Variants in DNAI1 observed in about 807,000 individuals in gnomAD.
DNAI1 encodes the protein dynein, axonemal, intermediate polypeptide 1.
Under a neutral mutation model 92.0 loss-of-function variants are expected in DNAI1, and 67 were observed. The ratio of observed to expected loss-of-function variants is 0.73; its 90% confidence interval spans 0.60 to 0.89. DNAI1 has a LOEUF of 0.89. Ranked by LOEUF, DNAI1 falls within the 40% of genes least tolerant of loss-of-function variation. DNAI1 has a pLI of 0.00. For missense variants in DNAI1, 839 were observed against 866.6 expected, an observed-to-expected ratio of 0.97 and a Z score of 0.40; for synonymous variants, 323 against 319.6, an observed-to-expected ratio of 1.01 and a Z score of -0.11.
At chr9:34,515,909 T>A (rs931247966) in intron 18 of DNAI1, among the ~76,000 whole-genome samples, 5 of 152,144 alleles carry the variant, frequency 3.3e-5, no homozygotes, top group Admixed American at 3.3e-4. Context: ...TGAGTGAATT[T>A]TATAGTATAT....
chr9:34,490,039 C>T lies in DNAI1; in HGVS notation c.416C>T (p.Ser139Leu), dbSNP rs755504398. ...AGSQESVKVISETGNLEEDEE... is the reference protein window; with the variant it reads ...AGSQESVKVILETGNLEEDEE... ...TCTCAGGAGTCTGTCAAGGTGATTTCAGAAACAGGAAACCTCGAAGAAGAC... is the reference window on the plus strand; with the variant it reads ...TCTCAGGAGTCTGTCAAGGTGATTTTAGAAACAGGAAACCTCGAAGAAGAC... The change falls in exon 6 of 20, where the codon TCA becomes TTA. Residue 139 changes from serine to leucine, a missense_variant. By Grantham distance (145) the Ser-to-Leu change is moderately radical. Transcript: ENST00000242317. The T allele has an allele frequency of 1.2e-5, 19 of 1,613,994 alleles. No individual in the cohort carries two copies. Among genetic ancestry groups the T allele is most frequent in the Non-Finnish European group, 1.5e-5 (18 of 1,180,018 alleles).
chr9:34,490,296 G>T (rs1824561481), intron 6 of DNAI1, 73 bp from the exon 7 acceptor site: 1 of 1,612,474 alleles, frequency 6.2e-7, no homozygotes, highest in Non-Finnish European at 8.5e-7. Flanking sequence ...CCTAGGACAG[G>T]GCTTGCCCCA....
Position 34,506,889 on chromosome 9 carries a change from T to A in DNAI1, c.1311+15T>A, listed in dbSNP as rs1400225236. Reference sequence around the variant, plus strand: ...CTGTGTGGCAGGTCAGCAACCAGGCTGGGAGGGGTGGGGATGGGAGCAGCA... The same window carrying A: ...CTGTGTGGCAGGTCAGCAACCAGGCAGGGAGGGGTGGGGATGGGAGCAGCA... On this transcript the variant is annotated intron_variant, in intron 13 of 19. Transcript: ENST00000242317. The A allele has an allele frequency of 6.2e-7, 1 of 1,611,486 alleles. No individual in the cohort carries two copies. The highest frequency in any genetic ancestry group is 8.5e-7 in the Non-Finnish European group (1 of 1,178,948).
At chr9:34,506,941 G>C in intron 13 of DNAI1, 67 bp downstream of exon 13, 1 of 1,578,256 alleles carries the variant, frequency 6.3e-7, no homozygotes. Context: ...CTGGAGGAGG[G>C]AGGGAGCTTG....
intron 1 of DNAI1, among the ~76,000 whole-genome samples, chr9:34,470,454 AT>A (rs1391762931): frequency 6.6e-6 from 1 of 152,220 alleles, no homozygotes; most frequent in Non-Finnish European, 1.5e-5. Context: ...AGAAATCTGT[AT>A]GAGTATCATT....
At chr9:34,463,282 T>C (rs1201158913) in intron 1 of DNAI1, among the ~76,000 whole-genome samples, 1 of 152,180 alleles carries the variant, frequency 6.6e-6, no homozygotes, top group Non-Finnish European at 1.5e-5. Flanking sequence ...GTGGGGAATG[T>C]GGCAGGAGAT....
At chr9:34,471,447 C>CAA (rs72230032) in intron 1 of DNAI1, among the ~76,000 whole-genome samples, 33 of 83,998 alleles carry the variant, frequency 3.9e-4, no homozygotes, top group Non-Finnish European at 4.6e-4. Context: ...ACCACCACCA[C>CAA]AAAAAAAAAA....
chr9:34,481,370 C>T (rs942817306), intron 1 of DNAI1, among the ~76,000 whole-genome samples: 5 of 152,158 alleles, frequency 3.3e-5, no homozygotes, highest in African/African-American at 9.7e-5. Flanking sequence ...GTTACTTGGT[C>T]GTGATCTTCA....
chr9:34,481,827 G>C (rs530053097), intron 1 of DNAI1, among the ~76,000 whole-genome samples: 1 of 152,216 alleles, frequency 6.6e-6, no homozygotes, highest in Non-Finnish European at 1.5e-5. Flanking sequence ...TAAAAGCAGC[G>C]TGGACCCAAA....
intron 2 of DNAI1, among the ~76,000 whole-genome samples, chr9:34,484,493 A>G (rs938378930): frequency 6.6e-6 from 1 of 152,218 alleles, no homozygotes; most frequent in Admixed American, 6.5e-5. Context: ...CCAATTTTAT[A>G]GTGAAAAAAT....
intron 1 of DNAI1, among the ~76,000 whole-genome samples, chr9:34,475,647 G>A (rs1824222931): frequency 6.6e-6 from 1 of 152,176 alleles, no homozygotes. Flanking sequence ...GCCTCTGATT[G>A]TCTGAGGGTG....
chr9:34,472,012 C>A (rs565709900), intron 1 of DNAI1, among the ~76,000 whole-genome samples: 16 of 152,112 alleles, frequency 1.1e-4, no homozygotes, highest in African/African-American at 3.9e-4. Flanking sequence ...GATGCACAGG[C>A]TCCTTTCTAA....
At position 34,520,875 on chromosome 9, in the gene DNAI1, T is replaced by C; in HGVS notation, c.*119T>C. On this transcript the variant is annotated 3_prime_UTR_variant, in exon 20 of 20. Coordinates refer to ENST00000242317, the MANE Select transcript of DNAI1 (RefSeq NM_012144.4). Reference sequence around the variant, plus strand: ...CCCCACTCCTGATCAGGTCCCAGCATCTTCCCTTCTTGTTCTGTTCCTTAA... The same window carrying C: ...CCCCACTCCTGATCAGGTCCCAGCACCTTCCCTTCTTGTTCTGTTCCTTAA... 2 of 967,148 alleles carry C rather than the reference T, an allele frequency of 2.1e-6. No homozygotes were observed. Among genetic ancestry groups the C allele is most frequent in the South Asian group, 1.4e-5 (1 of 71,928 alleles). The allele number at this position is 967,148 out of a possible 1,614,324, so 59.9% of individuals were successfully genotyped here.
Position 34,490,064 on chromosome 9 carries a change from C to G in DNAI1, c.441C>G (p.Asp147Glu), listed in dbSNP as rs374753293. The G allele has an allele frequency of 6.2e-7, 1 of 1,614,146 alleles. No homozygotes were observed. Among genetic ancestry groups the G allele is most frequent in the South Asian group, 1.1e-5 (1 of 91,068 alleles). The change falls in exon 6 of 20, where the codon GAC becomes GAG. Residue 147 changes from aspartate to glutamate, a missense_variant. Transcript: ENST00000242317. ...VISETGNLEE[D>E]EEPKELETEP... is the part of the protein sequence containing the mutation. ...CAGAAACAGGAAACCTCGAAGAAGA[C>G]GAAGAGCCCAAGGAGTTAGAAACTG...
chr9:34,496,748 G>A, intron 9 of DNAI1, among the ~76,000 whole-genome samples: 1 of 152,172 alleles, frequency 6.6e-6, no homozygotes, highest in East Asian at 1.9e-4. Flanking sequence ...CACCAAAGAA[G>A]GCTCCAACCT....
Position 34,485,182 on chromosome 9 carries a change from A to G in DNAI1, c.122A>G (p.Glu41Gly). The change falls in exon 3 of 20, where the codon GAA (glutamate) becomes GGA (glycine). Residue 41 changes from glutamate (E) to glycine (G), a missense_variant. Transcript: ENST00000242317. ...ACTGAAGTGGGAGAAGGCACAGATG[A>G]ATGGGCCCAATCCAAAGCCACAGTT... ...SGTEVGEGTD[E>G]WAQSKATVRP... 6.2e-7 allele frequency: 1 copy of G among 1,614,164 alleles called. No homozygotes were observed. Among genetic ancestry groups the G allele is most frequent in the South Asian group, 1.1e-5 (1 of 91,078 alleles).
chr9:34,510,979 G>C (rs184329610), intron 13 of DNAI1, among the ~76,000 whole-genome samples: 4 of 152,338 alleles, frequency 2.6e-5, no homozygotes, highest in African/African-American at 7.2e-5. Context: ...CCTCAGGCTG[G>C]CTGGGGAGAG....
intron 7 of DNAI1, among the ~76,000 whole-genome samples, chr9:34,490,818 G>C (rs1015201428): frequency 6.6e-5 from 10 of 152,346 alleles, no homozygotes; most frequent in Admixed American, 2.0e-4. Flanking sequence ...AGGAGGCCTA[G>C]GAGCCAGTTC....
chr9:34,474,766 A>G (rs929712681), intron 1 of DNAI1, among the ~76,000 whole-genome samples: 1 of 151,450 alleles, frequency 6.6e-6, no homozygotes, highest in Non-Finnish European at 1.5e-5. Flanking sequence ...ACAGGGTTTC[A>G]CCATGTTGGT....
Sources: gnomAD v4.1 joint callset for allele counts (sites outside exome capture counted in the v4.1 genomes callset) on GRCh38, gnomAD v4.1.1 for gene constraint, MANE v1.5 for transcripts, NCBI Gene and HGNC (gene_info 2026-07-23, HGNC 2026-07-21) for gene names.